Variants in BICDL1 observed in about 807,000 individuals in gnomAD.
BICDL1 encodes the protein BICD family like cargo adaptor 1.
In BICDL1, 20 loss-of-function variants were observed where a neutral mutation model predicts 76.8. The observed-to-expected ratio is 0.26, with a 90% CI of 0.18 to 0.38. BICDL1 has a LOEUF of 0.38. Among genes scored for constraint, BICDL1 ranks in the 10% least tolerant of loss-of-function variants. BICDL1 has a pLI of 1.00. For missense variants in BICDL1, 700 were observed against 798.6 expected, an observed-to-expected ratio of 0.88 and a Z score of 1.49; for synonymous variants, 383 against 337.1, an observed-to-expected ratio of 1.14 and a Z score of -1.49.
chr12:120,013,474 G>GTGTGTGTGTA (rs1951998612), intron 2 of BICDL1, among the ~76,000 whole-genome samples: 1 of 150,446 alleles, frequency 6.6e-6, no homozygotes, highest in Admixed American at 6.6e-5. Flanking sequence ...GTGTGTGTGT[G>GTGTGTGTGTA]TGTGTGTGTC....
intron 2 of BICDL1, among the ~76,000 whole-genome samples, chr12:120,036,450 A>C (rs1040367693): frequency 1.3e-5 from 2 of 152,210 alleles, no homozygotes; most frequent in African/African-American, 4.8e-5. Flanking sequence ...ATTTCCTTGT[A>C]CTGGGAGCGT....
intron 8 of BICDL1, among the ~76,000 whole-genome samples, chr12:120,087,175 C>T (rs1874490577): frequency 6.6e-6 from 1 of 152,244 alleles, no homozygotes; most frequent in South Asian, 2.1e-4. Flanking sequence ...TGAGGATTTC[C>T]GCTGTTTGCT....
intron 2 of BICDL1, among the ~76,000 whole-genome samples, chr12:120,045,996 C>G (rs1952743561): frequency 6.6e-6 from 1 of 152,018 alleles, no homozygotes; most frequent in South Asian, 2.1e-4. Flanking sequence ...TATTTCTGCC[C>G]TTGAAGAAAC....
intron 1 of BICDL1, among the ~76,000 whole-genome samples, chr12:119,991,655 A>C (rs1351981809): frequency 2.0e-5 from 3 of 152,230 alleles, no homozygotes; most frequent in African/African-American, 7.2e-5. Context: ...CGACTTTGTA[A>C]AGAAGTACAA....
At chr12:120,074,310 TTTCCCCACATCA>T (rs1873359557) in intron 6 of BICDL1, 121 bp from the exon 7 acceptor site, 2 of 429,806 alleles carry the variant, frequency 4.7e-6, no homozygotes. Context: ...CCCCACTATC[TTTCCCCACATCA>T]TTCCTCCACT....
intron 7 of BICDL1, 107 bp from the exon 8 acceptor site, chr12:120,080,780 C>A: frequency 1.6e-6 from 2 of 1,279,152 alleles, no homozygotes; most frequent in African/African-American, 1.5e-5. Flanking sequence ...CTTGCACCCC[C>A]ACACATGTAC....
chr12:120,002,216 T>G (rs750568526), intron 2 of BICDL1, among the ~76,000 whole-genome samples: 4 of 152,166 alleles, frequency 2.6e-5, no homozygotes, highest in Non-Finnish European at 4.4e-5. Context: ...AGACCCACCC[T>G]AATGACCTCA....
At position 120,091,544 on chromosome 12, in the gene BICDL1, C is replaced by T. The variant is rs1046573098; in HGVS notation, c.1705-1456C>T. The stretch of plus-strand genomic sequence containing the variant: ...GGACCGTGTGTTGGCAAATACCTGG[C>T]ACAGTGCCAGCTCTGAGGGGCAAGT... On this transcript the variant is annotated intron_variant, in intron 9 of 9. Coordinates refer to ENST00000548673, the MANE Select transcript of BICDL1 (RefSeq NM_001367886.1). 1.4e-5 allele frequency: 14 copies of T among 985,682 alleles called. No homozygotes were observed. In the African/African-American group the frequency reaches 2.4e-4, roughly 17 times the overall value. 61.1% of individuals were successfully genotyped at this position (985,682 alleles called of 1,614,324 possible). A position where few individuals can be genotyped will look rare whatever the true frequency, so the allele number is the denominator to read the frequency against.
chr12:120,086,766 G>A (rs781203670), intron 8 of BICDL1, among the ~76,000 whole-genome samples: 10 of 152,188 alleles, frequency 6.6e-5, no homozygotes, highest in African/African-American at 2.4e-4. Flanking sequence ...TTTGTAAAAA[G>A]GAATTATTCG....
chr12:120,048,728 A>T (rs75774421), intron 2 of BICDL1, among the ~76,000 whole-genome samples: 3,076 of 152,264 alleles, frequency 0.02, 52 homozygotes, highest in South Asian at 0.045. Flanking sequence ...ACATCCTTGA[A>T]ATCTAAGATG....
At chr12:120,025,256 T>C (rs1033851851) in intron 2 of BICDL1, among the ~76,000 whole-genome samples, 27 of 151,882 alleles carry the variant, frequency 1.8e-4, no homozygotes, top group African/African-American at 5.8e-4. Context: ...TTCACCGTGT[T>C]AGCCAGGATG....
intron 2 of BICDL1, among the ~76,000 whole-genome samples, chr12:120,034,513 A>T (rs951561862): frequency 2.6e-5 from 4 of 152,130 alleles, no homozygotes; most frequent in Non-Finnish European, 4.4e-5. Context: ...CCGTTTTGGG[A>T]TGTAAGATCA....
At chr12:120,047,348 A>T (rs1391131593) in intron 2 of BICDL1, among the ~76,000 whole-genome samples, 1 of 152,202 alleles carries the variant, frequency 6.6e-6, no homozygotes, top group East Asian at 1.9e-4. Context: ...GGGTAATGAA[A>T]TGGAAAGAAA....
At chr12:120,089,555 T>C (rs1874780332) in intron 8 of BICDL1, among the ~76,000 whole-genome samples, 1 of 152,106 alleles carries the variant, frequency 6.6e-6, no homozygotes. Context: ...GCTAATTTTG[T>C]ATTTTTAGTA....
Position 119,989,920 on chromosome 12 carries a change from C to T in BICDL1, c.52C>T (p.Pro18Ser). The T allele has an allele frequency of 2.1e-6, 3 of 1,460,864 alleles. No individual in the cohort carries two copies. The highest frequency in any genetic ancestry group is 5.4e-5 in the Admixed American group (2 of 36,936). The allele number at this position is 1,460,864 out of a possible 1,614,324, so 90.5% of individuals were successfully genotyped here. A position where few individuals can be genotyped will look rare whatever the true frequency, so the allele number is the denominator to read the frequency against. ...LVGRASAPAE[P>S]DSACCMELPA... ...CGGCCGCGCTTCAGCACCCGCCGAG[C>T]CGGACAGCGCCTGCTGCATGGAGCT... Residue 18 changes from proline to serine, a missense_variant, in exon 1 of 10, where the codon CCG becomes TCG. Around this residue, in one of 3 missense-constraint regions of BICDL1, gnomAD observed 225 missense variants for 199.6 expected, o/e 1.13. Transcript: ENST00000548673.
intron 2 of BICDL1, among the ~76,000 whole-genome samples, chr12:120,008,364 G>T (rs961645940): frequency 6.6e-6 from 1 of 152,012 alleles, no homozygotes; most frequent in Non-Finnish European, 1.5e-5. Context: ...TCACCGTGCT[G>T]CCCGGGCTGG....
intron 6 of BICDL1, 105 bp downstream of exon 6, chr12:120,072,834 A>G: frequency 4.4e-6 from 4 of 906,776 alleles, no homozygotes; most frequent in Non-Finnish European, 6.7e-6. Context: ...GAACCCTATA[A>G]AATATCTGCA....
rs1264542093 is a variant in BICDL1 at position 119,990,028 on chromosome 12, C to A, written c.160C>A (p.Leu54Met). ...CCCCGGGGGCTCCGGGGAGCTAGAACTGGCGTTAGAGGAGGAGCTGGCGCT... is the reference window on the plus strand; with the variant it reads ...CCCCGGGGGCTCCGGGGAGCTAGAAATGGCGTTAGAGGAGGAGCTGGCGCT... ...IFPGGSGELELALEEELALLA... is the reference protein window; with the variant it reads ...IFPGGSGELEMALEEELALLA... The change falls in exon 1 of 10, where the codon CTG becomes ATG. Residue 54 changes from leucine (L) to methionine (M), a missense_variant. Around this residue, in one of 3 missense-constraint regions of BICDL1, gnomAD observed 225 missense variants for 199.6 expected, o/e 1.13. Coordinates refer to ENST00000548673, the MANE Select transcript of BICDL1 (RefSeq NM_001367886.1). 1.3e-6 allele frequency: 2 copies of A among 1,517,680 alleles called. No individual in the cohort carries two copies. The allele number at this position is 1,517,680 out of a possible 1,614,324, so 94.0% of individuals were successfully genotyped here.
At chr12:120,043,008 G>C (rs1165443960) in intron 2 of BICDL1, among the ~76,000 whole-genome samples, 1 of 152,072 alleles carries the variant, frequency 6.6e-6, no homozygotes, top group East Asian at 1.9e-4. Context: ...CATTGGCTTT[G>C]GGATCAGACC....
Sources: allele counts gnomAD v4.1 joint callset (sites outside exome capture counted in the v4.1 genomes callset), GRCh38; gene constraint gnomAD v4.1.1; regional missense constraint gnomAD v4.1.1; transcripts MANE v1.5; gene names NCBI Gene and HGNC (gene_info 2026-07-23, HGNC 2026-07-21).